The following FNIP2 variants were observed in gnomAD, a reference collection of about 807,000 sequenced individuals.
The protein encoded by FNIP2 is folliculin-interacting protein 2.
FNIP2 carries 32 observed loss-of-function variants against 108.7 expected under a neutral mutation model. The ratio of observed to expected loss-of-function variants is 0.29; its 90% CI spans 0.22 to 0.40. The LOEUF is 0.40. Among genes scored for constraint, FNIP2 ranks in the 10% least tolerant of loss-of-function variants. The probability of loss-of-function intolerance (pLI) is 1.00; values close to 1 mark genes in which losing one functional copy is unlikely to be tolerated. For synonymous variants in FNIP2, 480 were observed against 496.7 expected, an observed-to-expected ratio of 0.97 and a Z score of 0.45; for missense variants, 1,202 against 1,381.6, an observed-to-expected ratio of 0.87 and a Z score of 2.06.
chr4:158,852,950 G>C (rs1436459752), intron 8 of FNIP2, among the ~76,000 whole-genome samples: 1 of 152,144 alleles, frequency 6.6e-6, no homozygotes, highest in East Asian at 1.9e-4. Context: ...TTATGGGCCA[G>C]TGCAAAATAA....
intron 1 of FNIP2, among the ~76,000 whole-genome samples, chr4:158,805,187 A>G (rs1776902311): frequency 6.6e-6 from 1 of 152,190 alleles, no homozygotes; most frequent in Admixed American, 6.5e-5. Context: ...AGGACCAGAC[A>G]AGAGTTCATC....
chr4:158,898,084 T>C (rs1782851715), intron 16 of FNIP2, among the ~76,000 whole-genome samples: 1 of 152,216 alleles, frequency 6.6e-6, no homozygotes, highest in African/African-American at 2.4e-5. Context: ...ACACCATTTA[T>C]TAAATAGGGA....
At chr4:158,883,302 C>T (rs972977232) in intron 14 of FNIP2, among the ~76,000 whole-genome samples, 5 of 151,964 alleles carry the variant, frequency 3.3e-5, no homozygotes, top group Admixed American at 6.5e-5. Context: ...AGTGCAGTGG[C>T]GCAGTCTCGG....
chr4:158,839,979 A>G (rs140031036), intron 7 of FNIP2, among the ~76,000 whole-genome samples: 4 of 152,334 alleles, frequency 2.6e-5, no homozygotes, highest in African/African-American at 9.6e-5. Context: ...TTCTTTACAT[A>G]TACAGATCCA....
At chr4:158,806,307 A>G in intron 1 of FNIP2, 1 of 1,289,420 alleles carries the variant, frequency 7.8e-7, no homozygotes, top group South Asian at 1.2e-5. Flanking sequence ...ACTCTGCCAG[A>G]TGTGTGAGTG....
At chr4:158,853,477 T>A (rs1779811373) in intron 8 of FNIP2, among the ~76,000 whole-genome samples, 1 of 152,218 alleles carries the variant, frequency 6.6e-6, no homozygotes, top group Non-Finnish European at 1.5e-5. Flanking sequence ...GCTGCACCCA[T>A]TAACTTGTCA....
chr4:158,818,962 C>T (rs958586608), intron 1 of FNIP2, among the ~76,000 whole-genome samples: 1 of 152,206 alleles, frequency 6.6e-6, no homozygotes, highest in Admixed American at 6.5e-5. Context: ...TGACTCACAT[C>T]CATCACTCAC....
At chr4:158,882,408 C>G (rs971909435) in intron 14 of FNIP2, among the ~76,000 whole-genome samples, 1 of 149,600 alleles carries the variant, frequency 6.7e-6, no homozygotes, top group East Asian at 2.0e-4. Flanking sequence ...GCCACCACCC[C>G]GTCCGGGAGG....
At chr4:158,838,119 G>T (rs79434626) in intron 7 of FNIP2, among the ~76,000 whole-genome samples, 2 of 152,052 alleles carry the variant, frequency 1.3e-5, no homozygotes, top group African/African-American at 4.8e-5. Flanking sequence ...AGGGATGAAG[G>T]CCCAAGTTCT....
chr4:158,827,401 A>G (rs1455190918), intron 2 of FNIP2, among the ~76,000 whole-genome samples: 3 of 152,238 alleles, frequency 2.0e-5, no homozygotes, highest in African/African-American at 7.2e-5. Flanking sequence ...TGGAATCTTC[A>G]GTGTACCAGA....
rs936741776 is a variant in FNIP2 at position 158,907,772 on chromosome 4, C to T, written c.*3228C>T. 2 of 151,998 alleles carry T rather than the reference C, an allele frequency of 1.3e-5. No individual in the cohort carries two copies. Among genetic ancestry groups the T allele is most frequent in the African/African-American group, 4.8e-5 (2 of 41,356 alleles). 9.4% of individuals were successfully genotyped at this position (151,998 alleles called of 1,614,324 possible). A position where few individuals can be genotyped will look rare whatever the true frequency, so the allele number is the denominator to read the frequency against. ...AATTTTTGCCTAAATCAAGAAGTCC[C>T]CTCTGAATGTTAATTTTTAAATGTC... is the stretch of plus-strand genomic sequence containing the variant. On this transcript the variant is annotated 3_prime_UTR_variant, in exon 17 of 17. Transcript: ENST00000264433.
At chr4:158,867,543 T>G (rs190719057) in intron 12 of FNIP2, among the ~76,000 whole-genome samples, 1 of 152,250 alleles carries the variant, frequency 6.6e-6, no homozygotes, top group Non-Finnish European at 1.5e-5. Context: ...CATTCATGAC[T>G]AAGTGATTTT....
At position 158,904,813 on chromosome 4, in the gene FNIP2, G is replaced by A. The variant is rs1729687951; in HGVS notation, c.*269G>A. The A allele has an allele frequency of 9.6e-6, 4 of 418,496 alleles. No individual in the cohort carries two copies. In the South Asian group the frequency reaches 1.1e-4, roughly 12 times the overall value. 25.9% of individuals were successfully genotyped at this position (418,496 alleles called of 1,614,324 possible). A position where few individuals can be genotyped will look rare whatever the true frequency, so the allele number is the denominator to read the frequency against. The stretch of plus-strand genomic sequence containing the variant: ...AAGAAACTGACCTTTTTGGTAGGAG[G>A]AAACATAAGCACTAAACACTAAGCT... On this transcript the variant is annotated 3_prime_UTR_variant, in exon 17 of 17. Transcript: ENST00000264433.
chr4:158,803,798 T>C (rs964749778), intron 1 of FNIP2, among the ~76,000 whole-genome samples: 1 of 152,302 alleles, frequency 6.6e-6, no homozygotes, highest in Non-Finnish European at 1.5e-5. Flanking sequence ...AAAGCCTCTA[T>C]GGGAGCTTTT....
At chr4:158,784,040 C>G (rs779248969) in intron 1 of FNIP2, among the ~76,000 whole-genome samples, 1 of 151,978 alleles carries the variant, frequency 6.6e-6, no homozygotes, top group Non-Finnish European at 1.5e-5. Flanking sequence ...GTTTTGAGCC[C>G]GAATAATGTG....
At chr4:158,881,742 T>C (rs1781649555) in intron 14 of FNIP2, among the ~76,000 whole-genome samples, 1 of 152,114 alleles carries the variant, frequency 6.6e-6, no homozygotes, top group Non-Finnish European at 1.5e-5. Context: ...CGGAGTCTCG[T>C]TCACTCAGTG....
At chr4:158,893,144 G>T (rs138555108) in intron 15 of FNIP2, 1 of 152,486 alleles carries the variant, frequency 6.6e-6, no homozygotes, top group Non-Finnish European at 1.5e-5. Flanking sequence ...GTAAAAGAAA[G>T]ATAGTACCTG....
At chr4:158,839,586 T>C (rs1291777394) in intron 7 of FNIP2, among the ~76,000 whole-genome samples, 1 of 152,090 alleles carries the variant, frequency 6.6e-6, no homozygotes, top group Non-Finnish European at 1.5e-5. Context: ...CCGGCTGGTC[T>C]CAAACTCCTG....
At chr4:158,825,249 G>A (rs1246010194) in intron 1 of FNIP2, among the ~76,000 whole-genome samples, 3 of 152,178 alleles carry the variant, frequency 2.0e-5, no homozygotes, top group Non-Finnish European at 4.4e-5. Context: ...TATTAAGAAT[G>A]AACCTATGTT....
Sources: allele counts gnomAD v4.1 joint callset (sites outside exome capture counted in the v4.1 genomes callset), GRCh38; gene constraint gnomAD v4.1.1; transcripts MANE v1.5; gene names NCBI Gene and HGNC (gene_info 2026-07-23, HGNC 2026-07-21).